Variants in WDR7 observed in about 807,000 individuals in gnomAD.
The protein encoded by WDR7 is WD repeat-containing protein 7.
In WDR7, 46 loss-of-function variants were observed where a neutral mutation model predicts 169.4. That is an observed-to-expected ratio of 0.27 (90% confidence interval 0.21 to 0.35). WDR7 has a LOEUF of 0.35. Ranked by LOEUF, WDR7 falls within the 10% of genes least tolerant of loss-of-function variation. The pLI is 1.00. For synonymous variants in WDR7, 612 were observed against 666.8 expected, an observed-to-expected ratio of 0.92 and a Z score of 1.27; for missense variants, 1,534 against 1,859.3, an observed-to-expected ratio of 0.83 and a Z score of 3.22.
At position 56,756,523 on chromosome 18, in the gene WDR7, A is replaced by G. The variant is rs1437313935; in HGVS notation, c.1990-60A>G. ...TCCTCTGATTATTTATTGTTTATTA[A>G]TGAATGTATGAAATTAAGCACTTTT... On this transcript the variant is annotated intron_variant, in intron 14 of 27. Transcript: ENST00000254442. 32 of 1,319,802 alleles carry G rather than the reference A, an allele frequency of 2.4e-5. No individual in the cohort carries two copies. The East Asian group carries it at 7.9e-4, about 32-fold the overall frequency. 81.8% of individuals were successfully genotyped at this position (1,319,802 alleles called of 1,614,324 possible).
intron 1 of WDR7, among the ~76,000 whole-genome samples, chr18:56,656,095 A>AT (rs1322802032): frequency 1.3e-5 from 2 of 151,702 alleles, no homozygotes; most frequent in African/African-American, 4.8e-5. Flanking sequence ...TTAAATTTTC[A>AT]TTTTTTGGGG....
chr18:56,841,782 G>A (rs1447773012), intron 20 of WDR7, among the ~76,000 whole-genome samples: 4 of 152,192 alleles, frequency 2.6e-5, no homozygotes, highest in African/African-American at 4.8e-5. Flanking sequence ...GTTGGAAAGA[G>A]TGTAATGTCA....
rs928136750 is a variant in WDR7 at position 57,020,650 on chromosome 18, T to C, written c.4165-95T>C. ...AGAAGATAACAGCATCTAATACCCA[T>C]GACGTAACTTGTTCAACATTGAATG... On this transcript the variant is annotated intron_variant, in intron 26 of 27. Transcript: ENST00000254442. The C allele has an allele frequency of 5.5e-6, 6 of 1,089,790 alleles. No homozygotes were observed. In the African/African-American group the frequency reaches 7.8e-5, roughly 14 times the overall value. 67.5% of individuals were successfully genotyped at this position (1,089,790 alleles called of 1,614,324 possible). A position where few individuals can be genotyped will look rare whatever the true frequency, so the allele number is the denominator to read the frequency against.
chr18:56,817,293 G>A (rs1488494060), intron 20 of WDR7, among the ~76,000 whole-genome samples: 6 of 149,800 alleles, frequency 4.0e-5, no homozygotes, highest in Non-Finnish European at 7.4e-5. Flanking sequence ...GCAGTGAGCC[G>A]AGATTGCACC....
intron 13 of WDR7, among the ~76,000 whole-genome samples, chr18:56,730,452 A>G (rs1050903091): frequency 6.6e-6 from 1 of 152,176 alleles, no homozygotes; most frequent in Non-Finnish European, 1.5e-5. Context: ...AACAGAAAGG[A>G]TAGCCAAATA....
chr18:56,774,534 G>A (rs560101086), intron 16 of WDR7, among the ~76,000 whole-genome samples: 12 of 152,238 alleles, frequency 7.9e-5, no homozygotes, highest in African/African-American at 2.9e-4. Context: ...TTTCTGTTAA[G>A]AAATCAAATG....
intron 20 of WDR7, among the ~76,000 whole-genome samples, chr18:56,826,473 T>C (rs572885325): frequency 2.0e-5 from 3 of 152,150 alleles, no homozygotes; most frequent in Admixed American, 6.5e-5. Context: ...TCTGTGACTT[T>C]CCCCATGATT....
chr18:56,810,667 T>C (rs192765550), intron 19 of WDR7, among the ~76,000 whole-genome samples: 2 of 152,250 alleles, frequency 1.3e-5, no homozygotes, highest in Admixed American at 1.3e-4. Flanking sequence ...TTTCCTCCCT[T>C]TTTTTCTTCA....
At chr18:56,818,175 T>A (rs1301125847) in intron 20 of WDR7, among the ~76,000 whole-genome samples, 1 of 152,188 alleles carries the variant, frequency 6.6e-6, no homozygotes, top group African/African-American at 2.4e-5. Context: ...AAAGTAGTTG[T>A]TTAAGTCATA....
chr18:57,019,519 CT>C lies in WDR7; in HGVS notation c.4165-1217del, dbSNP rs1286617605. 2.6e-5 allele frequency among the ~76,000 whole-genome samples: 4 copies of C among 151,694 alleles called. No homozygotes were observed. In the South Asian group the frequency reaches 6.3e-4, roughly 24 times the overall value. On this transcript the variant is annotated intron_variant, in intron 26 of 27. Coordinates refer to ENST00000254442, the MANE Select transcript of WDR7 (RefSeq NM_015285.3). ...AGAGCCCAGTTCTATACCAACATAACTTTTTTTTTGAGTGTTAGAAAACAAG... is the reference window on the plus strand; with the variant it reads ...AGAGCCCAGTTCTATACCAACATAACTTTTTTTTGAGTGTTAGAAAACAAG...
At chr18:56,968,697 C>CT (rs1383524399) in intron 26 of WDR7, among the ~76,000 whole-genome samples, 1 of 152,132 alleles carries the variant, frequency 6.6e-6, no homozygotes, top group East Asian at 1.9e-4. Context: ...GTCACGCAGC[C>CT]TACAGCACCC....
intron 26 of WDR7, among the ~76,000 whole-genome samples, chr18:57,008,440 T>C (rs574215789): frequency 6.6e-6 from 1 of 152,348 alleles, no homozygotes; most frequent in Admixed American, 6.5e-5. Flanking sequence ...AGCCTGGCCA[T>C]AGCTGCCTTT....
At chr18:56,807,842 C>G (rs751532297) in intron 19 of WDR7, among the ~76,000 whole-genome samples, 2 of 152,070 alleles carry the variant, frequency 1.3e-5, no homozygotes, top group African/African-American at 2.4e-5. Context: ...CTTTAATAAA[C>G]TAACTTTATT....
intron 21 of WDR7, among the ~76,000 whole-genome samples, chr18:56,915,787 T>C (rs1209047188): frequency 3.3e-5 from 5 of 152,236 alleles, no homozygotes. Flanking sequence ...GTAAACATGG[T>C]TTGACTCGTT....
intron 26 of WDR7, among the ~76,000 whole-genome samples, chr18:56,966,425 G>C (rs957798344): frequency 1.3e-5 from 2 of 151,904 alleles, no homozygotes; most frequent in Non-Finnish European, 1.5e-5. Context: ...AGGCCTTTAT[G>C]ATGACCCATT....
intron 20 of WDR7, among the ~76,000 whole-genome samples, chr18:56,840,294 C>T (rs2045462843): frequency 6.6e-6 from 1 of 151,462 alleles, no homozygotes; most frequent in African/African-American, 2.4e-5. Flanking sequence ...CAATGGAAAA[C>T]TATAGAAAAT....
intron 16 of WDR7, among the ~76,000 whole-genome samples, chr18:56,771,753 G>A (rs571663950): frequency 6.6e-5 from 10 of 151,784 alleles, no homozygotes; most frequent in African/African-American, 1.9e-4. Context: ...GTGGTGGTGC[G>A]CACCTATGAT....
intron 26 of WDR7, among the ~76,000 whole-genome samples, chr18:56,968,131 A>G (rs1229769312): frequency 6.6e-6 from 1 of 151,926 alleles, no homozygotes; most frequent in African/African-American, 2.4e-5. Flanking sequence ...AAAAGCAATG[A>G]TGTATAGAGA....
chr18:56,988,148 G>A (rs917714206), intron 26 of WDR7, among the ~76,000 whole-genome samples: 2 of 152,118 alleles, frequency 1.3e-5, no homozygotes, highest in Non-Finnish European at 2.9e-5. Context: ...CTGTTCATCC[G>A]ATTTCTTTTA....
Sources: gnomAD v4.1 joint callset for allele counts (sites outside exome capture counted in the v4.1 genomes callset) on GRCh38, gnomAD v4.1.1 for gene constraint, MANE v1.5 for transcripts, NCBI Gene and HGNC (gene_info 2026-07-23, HGNC 2026-07-21) for gene names.